The following MALAT1 variants were observed in gnomAD, a reference collection of about 807,000 sequenced individuals.
MALAT1 encodes the protein hepcarcin.
intron 3 of MALAT1, chr11:65,505,154 G>GT (rs769861238): frequency 3.9e-6 from 2 of 518,976 alleles, no homozygotes; most frequent in South Asian, 1.4e-5. Flanking sequence ...GAGGGGTGAG[G>GT]TGGGCGCTAA....
At chr11:65,506,296 C>A in exon 4 of MALAT1, 1 of 463,954 alleles carries the variant, frequency 2.2e-6, no homozygotes, top group South Asian at 1.6e-5. Flanking sequence ...GAACTATATA[C>A]ATCCTTGATG....
At chr11:65,497,988 T>TA (rs1854429733) in intron 1 of MALAT1, 3 of 518,958 alleles carry the variant, frequency 5.8e-6, no homozygotes, top group Non-Finnish European at 1.2e-5. Context: ...GGTATTTAGA[T>TA]AAAACCACTC....
At chr11:65,505,446 C>G (rs1273747923) in intron 3 of MALAT1, 1 of 512,790 alleles carries the variant, frequency 2.0e-6, no homozygotes, top group Non-Finnish European at 3.9e-6. Context: ...AAGCCCAAAT[C>G]TCAAGCGGTG....
chr11:65,505,392 C>G (rs1453996465), intron 3 of MALAT1: 1 of 516,544 alleles, frequency 1.9e-6, no homozygotes, highest in Non-Finnish European at 3.9e-6. Flanking sequence ...CTGGGCTTCT[C>G]TTAACATTTA....
chr11:65,498,454 GT>G (rs764766375), intron 1 of MALAT1: 2 of 518,622 alleles, frequency 3.9e-6, no homozygotes, highest in Non-Finnish European at 7.7e-6. Flanking sequence ...CCAAGAGTGG[GT>G]TTTCACGTTT....
exon 3 of MALAT1, chr11:65,501,733 G>C (rs747657531): frequency 5.8e-6 from 3 of 519,016 alleles, no homozygotes; most frequent in South Asian, 2.8e-5. Context: ...GCACAGTGCA[G>C]CTTTGGTTCA....
At chr11:65,503,134 A>C in exon 3 of MALAT1, 1 of 508,588 alleles carries the variant, frequency 2.0e-6, no homozygotes, top group South Asian at 1.4e-5. Flanking sequence ...TCTCTTCGTT[A>C]TCAGAAGAGT....
chr11:65,503,041 G>A (rs750144105), exon 3 of MALAT1: 1 of 506,722 alleles, frequency 2.0e-6, no homozygotes, highest in South Asian at 1.4e-5. Flanking sequence ...AAAAGAAGCC[G>A]AAATAAATGA....
At chr11:65,499,014 C>G (rs760118825) in exon 3 of MALAT1, 5 of 518,690 alleles carry the variant, frequency 9.6e-6, no homozygotes, top group African/African-American at 5.8e-5. Context: ...TGTTCTCCGT[C>G]TATAAATACG....
chr11:65,503,749 C>G (rs1429476391), exon 3 of MALAT1: 4 of 517,116 alleles, frequency 7.7e-6, no homozygotes, highest in African/African-American at 1.9e-5. Flanking sequence ...TGCGAACACT[C>G]TTTAATGGAC....
At chr11:65,503,746 A>G (rs749311342) in exon 3 of MALAT1, 6 of 516,410 alleles carry the variant, frequency 1.2e-5, no homozygotes, top group Non-Finnish European at 1.9e-5. Context: ...GTCTGCGAAC[A>G]CTCTTTAATG....
exon 3 of MALAT1, chr11:65,502,757 C>T (rs753818897): frequency 3.9e-6 from 2 of 516,356 alleles, no homozygotes; most frequent in South Asian, 1.4e-5. Flanking sequence ...TATGTCATAC[C>T]TCCATTGGGG....
intron 3 of MALAT1, chr11:65,504,297 A>G (rs1033619025): frequency 2.0e-6 from 1 of 496,362 alleles, no homozygotes; most frequent in Non-Finnish European, 3.9e-6. Context: ...GGTGGGGCTT[A>G]CTTGTTGTAG....
chr11:65,501,196 G>C (rs761911415), exon 3 of MALAT1: 2 of 507,144 alleles, frequency 3.9e-6, no homozygotes, highest in East Asian at 1.1e-4. Flanking sequence ...GTTTGGATGT[G>C]TAACTGAGGC....
exon 3 of MALAT1, chr11:65,503,672 TTGTC>T (rs751652054): frequency 1.4e-5 from 7 of 515,006 alleles, no homozygotes; most frequent in African/African-American, 5.8e-5. Context: ...AAAATAGTGT[TTGTC>T]TGTAGTTCAG....
exon 3 of MALAT1, chr11:65,503,349 T>C (rs555983322): frequency 1.9e-6 from 1 of 518,946 alleles, no homozygotes. Context: ...TTTTTAAAAT[T>C]GTAGGACTTG....
exon 3 of MALAT1, chr11:65,500,520 A>G (rs1379906847): frequency 5.8e-6 from 3 of 518,900 alleles, no homozygotes; most frequent in Non-Finnish European, 1.2e-5. Context: ...CGTGGTGAAG[A>G]TAGGAAAAGA....
exon 4 of MALAT1, chr11:65,506,431 C>A: frequency 5.6e-6 from 2 of 357,438 alleles, no homozygotes; most frequent in Non-Finnish European, 5.5e-6. Flanking sequence ...CTGCTGAAAA[C>A]TTAACAATTT....
intron 1 of MALAT1, chr11:65,498,573 A>G: frequency 1.9e-6 from 1 of 518,654 alleles, no homozygotes; most frequent in Non-Finnish European, 3.9e-6. Flanking sequence ...CAGTTGGGGG[A>G]GAAAGTCCGC....
Sources: allele counts gnomAD v4.1 joint callset, GRCh38; gene constraint gnomAD v4.1.1; transcripts MANE v1.5; gene names NCBI Gene and HGNC (gene_info 2026-07-23, HGNC 2026-07-21).